The following STIL variants were observed in gnomAD, a reference collection of about 807,000 sequenced individuals.
The protein encoded by STIL is SCL-interrupting locus protein.
Under a neutral mutation model 110.1 loss-of-function variants are expected in STIL, and 55 were observed. The ratio of observed to expected loss-of-function variants is 0.50; its 90% CI spans 0.40 to 0.63. The LOEUF (loss-of-function observed/expected upper bound fraction) is 0.63, where lower values mean the gene tolerates loss of function less well. Among genes scored for constraint, STIL ranks in the 20% least tolerant of loss-of-function variants. The pLI, the probability that STIL is intolerant of heterozygous loss-of-function variation, is 0.00. For missense variants in STIL, 1,358 were observed against 1,530.0 expected (o/e 0.89, Z 1.87); for synonymous variants, 481 against 530.0 (o/e 0.91, Z 1.27).
At chr1:47,255,915 C>G (rs577796274) in intron 16 of STIL, among the ~76,000 whole-genome samples, 2 of 152,108 alleles carry the variant, frequency 1.3e-5, no homozygotes, top group East Asian at 3.8e-4. Flanking sequence ...ACTCTTCTGG[C>G]GGAATGATGT....
chr1:47,307,967 C>T (rs1050524269), intron 2 of STIL, among the ~76,000 whole-genome samples: 6 of 152,170 alleles, frequency 3.9e-5, no homozygotes, highest in African/African-American at 1.4e-4. Context: ...AAATTCCCAC[C>T]TAATAAATTG....
intron 7 of STIL, among the ~76,000 whole-genome samples, chr1:47,294,081 C>G (rs758069177): frequency 2.4e-4 from 36 of 152,166 alleles, no homozygotes; most frequent in Non-Finnish European, 4.4e-4. Flanking sequence ...TTTCATGGTC[C>G]AGAGAACATT....
intron 2 of STIL, among the ~76,000 whole-genome samples, chr1:47,307,772 C>G (rs984565013): frequency 3.9e-4 from 59 of 152,314 alleles, no homozygotes; most frequent in African/African-American, 1.3e-3. Flanking sequence ...CTTTCAAAAG[C>G]AAATGGGAGA....
At chr1:47,289,265 A>C (rs888065794) in intron 9 of STIL, among the ~76,000 whole-genome samples, 170 bp downstream of exon 9, 1 of 152,084 alleles carries the variant, frequency 6.6e-6, no homozygotes, top group Non-Finnish European at 1.5e-5. Flanking sequence ...GATTTACTAA[A>C]AAAATTTAAC....
At chr1:47,294,060 C>T (rs188149437) in intron 7 of STIL, among the ~76,000 whole-genome samples, 1 of 152,316 alleles carries the variant, frequency 6.6e-6, no homozygotes, top group Non-Finnish European at 1.5e-5. Context: ...CTGTAGCAAA[C>T]TATAAGTAGA....
chr1:47,267,151 T>C (rs1463046563), intron 14 of STIL, among the ~76,000 whole-genome samples: 1 of 152,162 alleles, frequency 6.6e-6, no homozygotes, highest in Non-Finnish European at 1.5e-5. Context: ...ACAGAGATGG[T>C]TTCCTTTACC....
At chr1:47,286,928 G>T (rs11580114) in intron 10 of STIL, among the ~76,000 whole-genome samples, 1 of 151,950 alleles carries the variant, frequency 6.6e-6, no homozygotes, top group Admixed American at 6.5e-5. Flanking sequence ...TAAGGATGTT[G>T]GCCAGGCTGG....
intron 7 of STIL, among the ~76,000 whole-genome samples, chr1:47,295,072 C>A (rs1645603954): frequency 6.6e-6 from 1 of 151,994 alleles, no homozygotes; most frequent in Non-Finnish European, 1.5e-5. Flanking sequence ...CAGGCACGCA[C>A]CACCATGCCT....
At position 47,287,569 on chromosome 1, in the gene STIL, T is replaced by G; in HGVS notation, c.1115A>C (p.Lys372Thr). 4 of 1,611,224 alleles carry G rather than the reference T, an allele frequency of 2.5e-6. No homozygotes were observed. The highest frequency in any genetic ancestry group is 3.3e-5 in the Admixed American group (2 of 59,842). ...CTTTTACCTCTTAATTGAAAAATTC[T>G]TGGAAGCCTTACTGAAAAACTCTGT... ...AETEFFSKAS[K>T]NFSIKRSSQK... The change falls in exon 10 of 17, where the codon AAG becomes ACG. Residue 372 changes from lysine (K) to threonine (T), a missense_variant. Transcript: ENST00000371877.
At chr1:47,304,554 A>T (rs1198859990) in intron 3 of STIL, among the ~76,000 whole-genome samples, 1 of 152,206 alleles carries the variant, frequency 6.6e-6, no homozygotes, top group Non-Finnish European at 1.5e-5. Context: ...ATTCCTTCTA[A>T]TCTGATCCAC....
chr1:47,275,351 G>C lies in STIL; in HGVS notation c.2218-3110C>G, dbSNP rs545584124. 1.3e-3 allele frequency among the ~76,000 whole-genome samples: 192 copies of C among 151,840 alleles called. 2 individuals are homozygous for C. Among genetic ancestry groups the C allele is most frequent in the African/African-American group, 4.5e-3 (186 of 41,420 alleles). ...TTGCTGGGCGCGGTGGCTCACTCCT[G>C]TAATCCCAGCACTTTGGGAGGCTGA... On this transcript the variant is annotated intron_variant, in intron 12 of 16. Coordinates refer to ENST00000371877, the MANE Select transcript of STIL (RefSeq NM_001048166.1).
intron 2 of STIL, among the ~76,000 whole-genome samples, chr1:47,308,793 C>T (rs1345114123): frequency 6.6e-6 from 1 of 152,046 alleles, no homozygotes; most frequent in African/African-American, 2.4e-5. Flanking sequence ...GTGGCTCACA[C>T]CTATAATCCT....
At chr1:47,270,253 T>TACACACACACAC (rs1378109646) in intron 13 of STIL, among the ~76,000 whole-genome samples, 8 of 118,226 alleles carry the variant, frequency 6.8e-5, no homozygotes, top group Admixed American at 2.0e-4. Context: ...TATATATATA[T>TACACACACACAC]ATACACACAC....
chr1:47,252,128 C>G (rs936170890), intron 16 of STIL, among the ~76,000 whole-genome samples: 1 of 152,240 alleles, frequency 6.6e-6, no homozygotes, highest in East Asian at 1.9e-4. Flanking sequence ...AGCCTCCAAT[C>G]CCAGCAGATT....
At chr1:47,305,725 CT>C (rs71572652) in intron 2 of STIL, among the ~76,000 whole-genome samples, 6,847 of 42,812 alleles carry the variant, frequency 0.16, 161 homozygotes, top group East Asian at 0.34. Context: ...CACGCCTGGC[CT>C]TTTTTTTTTT....
At chr1:47,262,161 C>A (rs1191609048) in intron 15 of STIL, among the ~76,000 whole-genome samples, 1 of 152,074 alleles carries the variant, frequency 6.6e-6, no homozygotes, top group Non-Finnish European at 1.5e-5. Flanking sequence ...CAGCCTAGGA[C>A]CTAGCAAGCA....
rs1004773156 is a variant in STIL, at chr1:47,250,611, G to C, written c.*525C>G. On this transcript the variant is annotated 3_prime_UTR_variant, in exon 17 of 17. Coordinates refer to ENST00000371877, the MANE Select transcript of STIL (RefSeq NM_001048166.1). ...GAGGCGGGCGGATCACCTGAGGTCG[G>C]GAGTTTGAGACCAGCCTGACCAACA... 6.3e-6 allele frequency: 1 copy of C among 159,198 alleles called. No individual in the cohort carries two copies. Among genetic ancestry groups the C allele is most frequent in the Non-Finnish European group, 1.4e-5 (1 of 72,310 alleles). 9.9% of individuals were successfully genotyped at this position (159,198 alleles called of 1,614,324 possible).
intron 11 of STIL, among the ~76,000 whole-genome samples, chr1:47,281,982 T>C (rs1645167472): frequency 6.6e-6 from 1 of 152,098 alleles, no homozygotes; most frequent in Admixed American, 6.5e-5. Flanking sequence ...TATATGGTTA[T>C]TAAAAGTACC....
intron 14 of STIL, among the ~76,000 whole-genome samples, chr1:47,269,188 T>G (rs555475649): frequency 6.6e-6 from 1 of 152,266 alleles, no homozygotes; most frequent in South Asian, 2.1e-4. Context: ...GAAGTTTTCT[T>G]CCGATTTCTG....
Sources: gnomAD v4.1 joint callset for allele counts (sites outside exome capture counted in the v4.1 genomes callset) on GRCh38, gnomAD v4.1.1 for gene constraint, MANE v1.5 for transcripts, NCBI Gene and HGNC (gene_info 2026-07-23, HGNC 2026-07-21) for gene names.